The following NBAS variants were observed in gnomAD, a reference collection of about 807,000 sequenced individuals.
NBAS encodes NAG/BC035112 fusion.
NBAS carries 219 observed loss-of-function variants against 302.5 expected under a neutral mutation model. The observed-to-expected ratio is 0.72, with a 90% CI of 0.65 to 0.81. The LOEUF is 0.81. Ranked by LOEUF, NBAS falls within the 30% of genes least tolerant of loss-of-function variation. The pLI, the probability that NBAS is intolerant of heterozygous loss-of-function variation, is 0.00. For synonymous variants in NBAS, 1,118 were observed against 1,021.6 expected (o/e 1.09, Z -1.80); for missense variants, 2,932 against 2,841.6 (o/e 1.03, Z -0.72).
the NBAS span, among the ~76,000 whole-genome samples, chr2:15,050,690 C>A: frequency 6.6e-6 from 1 of 152,192 alleles, no homozygotes; most frequent in Non-Finnish European, 1.5e-5. Flanking sequence ...AGGGTTTGTG[C>A]AAATACAGCT....
At position 15,249,118 on chromosome 2, in the gene NBAS, G is replaced by A. The variant is rs549744643; in HGVS notation, c.5725-10432C>T. Among the ~76,000 whole-genome samples the A allele has an allele frequency of 9.2e-5, 14 of 152,198 alleles. No homozygotes were observed. The East Asian group carries it at 1.9e-3, about 21-fold the overall frequency. ...GCACATCAAAAAGCTTATCCACCAT[G>A]ATCAAGTCAGCTTCATCCCGGGGAT... On this transcript the variant is annotated intron_variant, in intron 44 of 51. Coordinates refer to ENST00000281513, the MANE Select transcript of NBAS (RefSeq NM_015909.4).
chr2:15,475,594 G>T, intron 14 of NBAS, 93 bp downstream of exon 14: 2 of 1,246,634 alleles, frequency 1.6e-6, no homozygotes, highest in Non-Finnish European at 2.3e-6. Flanking sequence ...TATTTTTAAA[G>T]AAAAGATAAT....
chr2:15,497,825 C>A (rs1363050675), intron 11 of NBAS, among the ~76,000 whole-genome samples: 1 of 152,060 alleles, frequency 6.6e-6, no homozygotes, highest in African/African-American at 2.4e-5. Context: ...TAATTTGCTC[C>A]TAGTAACACC....
At chr2:14,895,735 G>A in the NBAS span, among the ~76,000 whole-genome samples, 28 of 130,632 alleles carry the variant, frequency 2.1e-4, no homozygotes, top group Non-Finnish European at 3.7e-4. Flanking sequence ...GCGAGACTCC[G>A]TCTCAAAAAA....
In NBAS at chr2:15,538,259, T is replaced by C. The variant is rs187911320; in HGVS notation, c.513+964A>G. On this transcript the variant is annotated intron_variant, in intron 7 of 51. Transcript: ENST00000281513. Reference sequence around the variant, plus strand: ...CATTTGAGCACACATACAGCTCATATTGTATTTCTTTTAGCCAGAAATAGT... The same window carrying C: ...CATTTGAGCACACATACAGCTCATACTGTATTTCTTTTAGCCAGAAATAGT... The C allele has an allele frequency of 3.4e-4, 119 of 351,500 alleles. No individual in the cohort carries two copies. In the East Asian group the frequency reaches 6.9e-3, roughly 20 times the overall value. 21.8% of individuals were successfully genotyped at this position (351,500 alleles called of 1,614,324 possible). A position where few individuals can be genotyped will look rare whatever the true frequency, so the allele number is the denominator to read the frequency against.
intron 28 of NBAS, among the ~76,000 whole-genome samples, chr2:15,384,417 A>G (rs1437526176): frequency 6.6e-6 from 1 of 152,176 alleles, no homozygotes; most frequent in Non-Finnish European, 1.5e-5. Flanking sequence ...AAATATAAGA[A>G]TAAGCTAAAT....
intron 11 of NBAS, among the ~76,000 whole-genome samples, chr2:15,503,316 T>G (rs56139147): frequency 0.027 from 4,096 of 152,310 alleles, 101 homozygotes; most frequent in Admixed American, 0.036. Context: ...ATCCACAGGT[T>G]CCACATCCTC....
the NBAS span, among the ~76,000 whole-genome samples, chr2:14,922,402 G>C: frequency 1.3e-5 from 2 of 152,214 alleles, no homozygotes; most frequent in Non-Finnish European, 2.9e-5. Flanking sequence ...TCACAGACTA[G>C]TGACTCAAAA....
chr2:14,944,142 T>C, the NBAS span, among the ~76,000 whole-genome samples: 1 of 152,014 alleles, frequency 6.6e-6, no homozygotes, highest in Non-Finnish European at 1.5e-5. Flanking sequence ...TACTAAAAAA[T>C]ACAAAAAATT....
downstream of NBAS, among the ~76,000 whole-genome samples, chr2:15,166,217 T>C (rs190676696): frequency 7.6e-4 from 115 of 152,304 alleles, no homozygotes; most frequent in Middle Eastern, 3.4e-3. Flanking sequence ...CTTGCTATGA[T>C]TGGCTGTATG....
At chr2:15,457,091 C>A (rs1399749040) in intron 21 of NBAS, among the ~76,000 whole-genome samples, 1 of 152,090 alleles carries the variant, frequency 6.6e-6, no homozygotes, top group East Asian at 1.9e-4. Flanking sequence ...GCAGGCTTGG[C>A]AAGGTCAAGG....
chr2:14,868,191 A>T, the NBAS span, among the ~76,000 whole-genome samples: 1 of 152,208 alleles, frequency 6.6e-6, no homozygotes, highest in African/African-American at 2.4e-5. Context: ...TGGAAACTAA[A>T]TCCAGATGGG....
the NBAS span, among the ~76,000 whole-genome samples, chr2:15,130,552 A>G: frequency 3.9e-5 from 6 of 152,226 alleles, no homozygotes; most frequent in African/African-American, 9.6e-5. Flanking sequence ...GGCAGGTCCT[A>G]TTACCTCCAA....
chr2:15,070,192 T>C, the NBAS span, among the ~76,000 whole-genome samples: 2 of 152,222 alleles, frequency 1.3e-5, no homozygotes, highest in African/African-American at 4.8e-5. Context: ...AGAGTGGCTC[T>C]ACAGTAAGGC....
At chr2:15,217,575 T>A (rs1256489951) in intron 48 of NBAS, among the ~76,000 whole-genome samples, 1 of 152,206 alleles carries the variant, frequency 6.6e-6, no homozygotes, top group Non-Finnish European at 1.5e-5. Flanking sequence ...TCTTTTGCAA[T>A]GGGGATTATC....
At chr2:15,204,861 C>T (rs771195677) in intron 48 of NBAS, among the ~76,000 whole-genome samples, 1 of 151,742 alleles carries the variant, frequency 6.6e-6, no homozygotes, top group African/African-American at 2.4e-5. Context: ...GCCTGTCATG[C>T]AGTTGGGGGA....
Position 15,238,480 on chromosome 2 carries a change from C to T in NBAS, c.5931G>A (p.Lys1977=), listed in dbSNP as rs1379496872. The change falls in exon 45 of 52, where the codon AAG becomes AAA. Residue 1977 remains lysine (K), a synonymous_variant. Coordinates refer to ENST00000281513, the MANE Select transcript of NBAS (RefSeq NM_015909.4). ...CCCATTTCTTTACCTGCTCACTATT[C>T]TTCAGAGAAAGGATGAAGCTGTGGC... is the stretch of plus-strand genomic sequence containing the variant. The part of the protein sequence containing the change: ...TLSHSFILSL[K]NSEQETLQKY... 6.2e-7 allele frequency: 1 copy of T among 1,614,106 alleles called. No homozygotes were observed. Among genetic ancestry groups the T allele is most frequent in the Non-Finnish European group, 8.5e-7 (1 of 1,179,966 alleles).
At chr2:14,838,095 T>C in the NBAS span, among the ~76,000 whole-genome samples, 1 of 151,922 alleles carries the variant, frequency 6.6e-6, no homozygotes, top group Non-Finnish European at 1.5e-5. Flanking sequence ...TGAGTTTCAT[T>C]GAGTTTTTGA....
chr2:14,937,174 G>T, the NBAS span, among the ~76,000 whole-genome samples: 1 of 152,152 alleles, frequency 6.6e-6, no homozygotes, highest in Non-Finnish European at 1.5e-5. Flanking sequence ...ATCTCTGAGG[G>T]TTCACCCATT....
Sources: gnomAD v4.1 joint callset for allele counts (sites outside exome capture counted in the v4.1 genomes callset) on GRCh38, gnomAD v4.1.1 for gene constraint, MANE v1.5 for transcripts, NCBI Gene and HGNC (gene_info 2026-07-23, HGNC 2026-07-21) for gene names.